The following SNX8 variants were observed in gnomAD, a reference collection of about 807,000 sequenced individuals.
SNX8 encodes the protein sorting nexin 8.
Under a neutral mutation model 51.6 loss-of-function variants are expected in SNX8, and 25 were observed. The observed-to-expected ratio is 0.48, with a 90% CI of 0.35 to 0.68. The LOEUF (loss-of-function observed/expected upper bound fraction) is 0.68, where lower values mean the gene tolerates loss of function less well. SNX8 is among the 30% of genes least tolerant of loss of function. The probability of loss-of-function intolerance (pLI) is 0.00; values close to 1 mark genes in which losing one functional copy is unlikely to be tolerated. For synonymous variants in SNX8, 324 were observed against 277.0 expected, an observed-to-expected ratio of 1.17 and a Z score of -1.68; for missense variants, 695 against 624.0, an observed-to-expected ratio of 1.11 and a Z score of -1.21.
intron 2 of SNX8, among the ~76,000 whole-genome samples, chr7:2,277,217 C>G (rs7792045): frequency 1.3e-5 from 2 of 151,976 alleles, no homozygotes; most frequent in Non-Finnish European, 2.9e-5. Flanking sequence ...ACTGAGACAA[C>G]GAAGCAAGGG....
chr7:2,311,830 G>A (rs3996368), intron 1 of SNX8, among the ~76,000 whole-genome samples: 7 of 151,878 alleles, frequency 4.6e-5, no homozygotes, highest in East Asian at 1.9e-4. Context: ...CCAGCTACTC[G>A]GGAGGCTGAG....
chr7:2,263,132 A>G lies in SNX8; in HGVS notation c.915+98T>C. ...GACTCCTTCTCAAAACAACAAAACAAAAACGAACTGTGACGCCCATCTAAG... is the reference window on the plus strand; with the variant it reads ...GACTCCTTCTCAAAACAACAAAACAGAAACGAACTGTGACGCCCATCTAAG... On this transcript the variant is annotated intron_variant, in intron 7 of 10. Transcript: ENST00000222990. 2.1e-6 allele frequency: 3 copies of G among 1,433,148 alleles called. No individual in the cohort carries two copies. In the South Asian group the frequency reaches 4.0e-5, roughly 19 times the overall value. 88.8% of individuals were successfully genotyped at this position (1,433,148 alleles called of 1,614,324 possible).
intron 1 of SNX8, among the ~76,000 whole-genome samples, chr7:2,320,181 C>G (rs1796811050): frequency 6.6e-6 from 1 of 151,896 alleles, no homozygotes; most frequent in South Asian, 2.1e-4. Flanking sequence ...CATGAAGAAA[C>G]CCCCTCTCTA....
intron 7 of SNX8, 69 bp downstream of exon 7, chr7:2,263,161 G>C: frequency 3.9e-6 from 6 of 1,551,162 alleles, no homozygotes; most frequent in Non-Finnish European, 5.3e-6. Context: ...ATCTAAGCAG[G>C]AGGCACTCCC....
chr7:2,258,436 A>AAAGCCGGCGACTCTCCCG (rs1795251489), intron 7 of SNX8, among the ~76,000 whole-genome samples: 1 of 151,958 alleles, frequency 6.6e-6, no homozygotes, highest in Non-Finnish European at 1.5e-5. Flanking sequence ...CGACTCTCCC[A>AAAGCCGGCGACTCTCCCG]ACACATATGC....
intron 5 of SNX8, 41 bp from the exon 6 acceptor site, chr7:2,264,499 G>C (rs1795418760): frequency 3.2e-6 from 5 of 1,579,122 alleles, no homozygotes; most frequent in Non-Finnish European, 4.3e-6. Context: ...GTTAGTCGCT[G>C]GGGAGCACCT....
chr7:2,275,134 C>A lies in SNX8; in HGVS notation c.396G>T (p.Leu132=), dbSNP rs751373785. The part of the protein sequence containing the change: ...HKFPYRMVPA[L]PPKRMLGADR... Reference sequence around the variant, plus strand: ...TACCTCCCAGCATTCTCTTGGGTGGCAGGGCAGGCACCATACGGTAGGGGA... The same window carrying A: ...TACCTCCCAGCATTCTCTTGGGTGGAAGGGCAGGCACCATACGGTAGGGGA... Residue 132 remains leucine (L), a synonymous_variant, in exon 3 of 11, where the codon CTG becomes CTT. Transcript: ENST00000222990. 1 of 1,613,174 alleles carries A rather than the reference C, an allele frequency of 6.2e-7. No individual in the cohort carries two copies. Among genetic ancestry groups the A allele is most frequent in the Non-Finnish European group, 8.5e-7 (1 of 1,179,232 alleles).
At chr7:2,313,324 G>A (rs895756250) in intron 1 of SNX8, among the ~76,000 whole-genome samples, 1 of 151,522 alleles carries the variant, frequency 6.6e-6, no homozygotes, top group East Asian at 2.0e-4. Context: ...TCAGGAGTTC[G>A]AGACCAGCCT....
At chr7:2,346,457 A>G (rs1343488704) in intron 1 of SNX8, among the ~76,000 whole-genome samples, 1 of 151,146 alleles carries the variant, frequency 6.6e-6, no homozygotes, top group Admixed American at 6.6e-5. Context: ...GAAAAAAAAA[A>G]GGTGAGGCAG....
chr7:2,271,108 A>G (rs970032974), intron 4 of SNX8, among the ~76,000 whole-genome samples: 1 of 152,198 alleles, frequency 6.6e-6, no homozygotes, highest in East Asian at 1.9e-4. Context: ...CAGTGGCACA[A>G]TCACAGCTCA....
intron 1 of SNX8, among the ~76,000 whole-genome samples, chr7:2,334,374 G>A (rs112113285): frequency 5.9e-5 from 9 of 151,820 alleles, no homozygotes; most frequent in African/African-American, 2.2e-4. Flanking sequence ...CTGGACTCCA[G>A]CCAGGGTGAC....
At chr7:2,347,333 TAGTC>T (rs1284186632) in intron 1 of SNX8, among the ~76,000 whole-genome samples, 2 of 151,238 alleles carry the variant, frequency 1.3e-5, no homozygotes, top group African/African-American at 2.4e-5. Flanking sequence ...ATACAAAAAT[TAGTC>T]AGGCTTCGTG....
At chr7:2,299,182 C>T (rs964318682) in intron 1 of SNX8, among the ~76,000 whole-genome samples, 1 of 151,904 alleles carries the variant, frequency 6.6e-6, no homozygotes, top group Non-Finnish European at 1.5e-5. Context: ...AAACAGAGCA[C>T]GGGCCATCCA....
chr7:2,327,295 T>G (rs954639371), intron 1 of SNX8, among the ~76,000 whole-genome samples: 24 of 151,406 alleles, frequency 1.6e-4, no homozygotes, highest in Non-Finnish European at 2.7e-4. Context: ...GCTGGAGTGC[T>G]GTGGTGCAAT....
At chr7:2,346,099 A>C (rs1398774535) in intron 1 of SNX8, among the ~76,000 whole-genome samples, 1 of 152,046 alleles carries the variant, frequency 6.6e-6, no homozygotes, top group Admixed American at 6.6e-5. Flanking sequence ...GAGCCACCAC[A>C]CCCAGCCTAT....
chr7:2,303,118 C>T (rs1275878756), intron 1 of SNX8, among the ~76,000 whole-genome samples: 1 of 146,014 alleles, frequency 6.8e-6, no homozygotes, highest in Non-Finnish European at 1.5e-5. Flanking sequence ...GGGGGTCAGC[C>T]CCCCGCCCGG....
In SNX8 at chr7:2,345,051, A is replaced by G. The variant is rs551103008; in HGVS notation, c.-66+9171T>C. ...CAGATACTTTGGAGAACAACTTGTT[A>G]ATGTCTAATAAATTGGAATGCAGAT... is the stretch of plus-strand genomic sequence containing the variant. On this transcript the variant is annotated intron_variant, in intron 1 of 5. Coordinates refer to the SNX8 transcript ENST00000435336. Among the ~76,000 whole-genome samples, 10 of 152,312 alleles carry G rather than the reference A, an allele frequency of 6.6e-5. No homozygotes were observed. In the East Asian group the frequency reaches 1.9e-3, roughly 29 times the overall value.
In SNX8 at chr7:2,255,070, G is replaced by C; in HGVS notation, c.1384C>G (p.Leu462Val). Reference sequence around the variant, plus strand: ...AGCCTCAGGCGCTAGTGAGGACACAGGCCGTCCTCCGGCGGGGAGCACGGT... The same window carrying C: ...AGCCTCAGGCGCTAGTGAGGACACACGCCGTCCTCCGGCGGGGAGCACGGT... ...TPPCSPPEDG[L>V]CPH Residue 462 changes from leucine to valine, a missense_variant, in exon 11 of 11, where the codon CTG becomes GTG. Leu to Val is a conservative substitution (Grantham distance 32, BLOSUM62 1). Coordinates refer to ENST00000222990, the MANE Select transcript of SNX8 (RefSeq NM_013321.4). 1 of 1,568,376 alleles carries C rather than the reference G, an allele frequency of 6.4e-7. No homozygotes were observed. Among genetic ancestry groups the C allele is most frequent in the Non-Finnish European group, 8.6e-7 (1 of 1,156,332 alleles).
intron 1 of SNX8, among the ~76,000 whole-genome samples, chr7:2,303,698 G>A (rs200095871): frequency 4.6e-5 from 7 of 151,310 alleles, no homozygotes; most frequent in East Asian, 1.9e-4. Context: ...GTCCACTCAG[G>A]GTTAAATGGA....
Sources: allele counts gnomAD v4.1 joint callset (sites outside exome capture counted in the v4.1 genomes callset), GRCh38; gene constraint gnomAD v4.1.1; transcripts MANE v1.5; gene names NCBI Gene and HGNC (gene_info 2026-07-23, HGNC 2026-07-21).